The following NREP variants were observed in gnomAD, a reference collection of about 807,000 sequenced individuals.
The protein encoded by NREP is neuronal regeneration-related protein.
In NREP, 5 loss-of-function variants were observed where a neutral mutation model predicts 8.6. That is an observed-to-expected ratio of 0.58 (90% CI 0.30 to 1.22). The LOEUF is 1.22. Among genes scored for constraint, NREP ranks in the 50% most tolerant of loss-of-function variants. The probability of loss-of-function intolerance (pLI) is 0.07; values close to 1 mark genes in which losing one functional copy is unlikely to be tolerated. For synonymous variants in NREP, 27 were observed against 28.0 expected (o/e 0.96, Z 0.11); for missense variants, 86 against 82.5 (o/e 1.04, Z -0.17).
intron 2 of NREP, among the ~76,000 whole-genome samples, chr5:111,953,961 T>G (rs558416308): frequency 2.0e-5 from 3 of 152,142 alleles, no homozygotes; most frequent in Non-Finnish European, 2.9e-5. Flanking sequence ...AGTATCAGCA[T>G]GTTTAACATG....
intron 2 of NREP, among the ~76,000 whole-genome samples, chr5:111,824,674 A>AT (rs1157193512): frequency 6.6e-6 from 1 of 152,226 alleles, no homozygotes; most frequent in African/African-American, 2.4e-5. Context: ...GATGAAGTCT[A>AT]TTACATTCCT....
At chr5:111,745,935 A>G (rs544852023) in intron 2 of NREP, among the ~76,000 whole-genome samples, 1 of 152,314 alleles carries the variant, frequency 6.6e-6, no homozygotes, top group South Asian at 2.1e-4. Context: ...AGATGGGGCA[A>G]CAAACTAATT....
intron 2 of NREP, among the ~76,000 whole-genome samples, chr5:111,926,783 G>A (rs982713793): frequency 5.3e-5 from 8 of 151,782 alleles, no homozygotes; most frequent in Non-Finnish European, 1.2e-4. Context: ...GAAGACAGTG[G>A]GGGCTTCCCC....
At chr5:111,855,396 A>G (rs563527933) in intron 2 of NREP, among the ~76,000 whole-genome samples, 52 of 152,314 alleles carry the variant, frequency 3.4e-4, no homozygotes, top group African/African-American at 1.2e-3. Context: ...TGTTAGCTCT[A>G]ATCACTATTT....
At chr5:111,881,200 A>G (rs955549614) in intron 2 of NREP, among the ~76,000 whole-genome samples, 2 of 152,192 alleles carry the variant, frequency 1.3e-5, no homozygotes, top group African/African-American at 4.8e-5. Flanking sequence ...AGAGGGTCCT[A>G]CACCCACGGA....
intron 2 of NREP, among the ~76,000 whole-genome samples, chr5:111,787,432 G>A (rs1751637698): frequency 6.6e-6 from 1 of 152,122 alleles, no homozygotes; most frequent in African/African-American, 2.4e-5. Flanking sequence ...GAAAACTACA[G>A]TAAATGCATC....
chr5:111,744,078 G>C (rs937108873), intron 2 of NREP, among the ~76,000 whole-genome samples: 1 of 152,104 alleles, frequency 6.6e-6, no homozygotes, highest in Non-Finnish European at 1.5e-5. Flanking sequence ...AGTCTGAAGC[G>C]ATTTCAAAGC....
chr5:111,888,324 T>C (rs182652437), intron 2 of NREP, among the ~76,000 whole-genome samples: 1 of 149,130 alleles, frequency 6.7e-6, no homozygotes, highest in East Asian at 2.0e-4. Flanking sequence ...TGACTCACAG[T>C]TCCCCATTGC....
intron 2 of NREP, among the ~76,000 whole-genome samples, chr5:111,911,447 C>G (rs1021077892): frequency 7.2e-5 from 11 of 152,080 alleles, no homozygotes; most frequent in Admixed American, 6.6e-5. Context: ...TAATTCTGCA[C>G]TGCTATTATC....
intron 2 of NREP, among the ~76,000 whole-genome samples, chr5:111,972,242 T>C (rs1483872093): frequency 6.6e-6 from 1 of 152,136 alleles, no homozygotes; most frequent in African/African-American, 2.4e-5. Context: ...ATAACAAGTA[T>C]GGATGAGAAT....
chr5:111,965,170 A>G (rs1703037681), intron 2 of NREP, among the ~76,000 whole-genome samples: 1 of 152,132 alleles, frequency 6.6e-6, no homozygotes, highest in African/African-American at 2.4e-5. Context: ...AGAAGAAGCC[A>G]TCTCCTCTGA....
chr5:111,895,205 C>T (rs1754479702), intron 2 of NREP, among the ~76,000 whole-genome samples: 1 of 152,190 alleles, frequency 6.6e-6, no homozygotes, highest in Non-Finnish European at 1.5e-5. Context: ...AACCTTGCTA[C>T]ACCCTTTAGA....
chr5:111,801,286 T>G lies in NREP; in HGVS notation c.136-65779A>C, dbSNP rs528564903. Among the ~76,000 whole-genome samples, 133 of 152,300 alleles carry G rather than the reference T, an allele frequency of 8.7e-4. 1 individual carries two copies. The highest frequency in any genetic ancestry group is 3.2e-3 in the African/African-American group (132 of 41,550). ...TTAAGCCTCTAAGTTGTATTTACCCTTACAATGTGATTGAGAATGTGGGGG... is the reference window on the plus strand; with the variant it reads ...TTAAGCCTCTAAGTTGTATTTACCCGTACAATGTGATTGAGAATGTGGGGG... On this transcript the variant is annotated intron_variant, in intron 2 of 3. Transcript: ENST00000395634.
intron 2 of NREP, among the ~76,000 whole-genome samples, chr5:111,953,394 T>C (rs780214190): frequency 4.1e-4 from 63 of 152,148 alleles, no homozygotes; most frequent in Non-Finnish European, 6.0e-4. Context: ...TCTGAGGCTA[T>C]AACTTTTTTT....
intron 2 of NREP, among the ~76,000 whole-genome samples, chr5:111,888,634 C>A (rs1270058671): frequency 1.3e-5 from 2 of 152,086 alleles, no homozygotes; most frequent in African/African-American, 2.4e-5. Flanking sequence ...CAGTCTATGT[C>A]CCACTACTAG....
intron 2 of NREP, among the ~76,000 whole-genome samples, chr5:111,737,218 G>A (rs927451504): frequency 6.6e-6 from 1 of 152,152 alleles, no homozygotes; most frequent in Non-Finnish European, 1.5e-5. Flanking sequence ...AGGAATGGGT[G>A]AAGAAAACAA....
At chr5:111,918,174 A>G (rs1180408875) in intron 2 of NREP, among the ~76,000 whole-genome samples, 1 of 152,186 alleles carries the variant, frequency 6.6e-6, no homozygotes, top group East Asian at 1.9e-4. Context: ...CTCTTCAAGG[A>G]GAACTACAAA....
intron 2 of NREP, among the ~76,000 whole-genome samples, chr5:111,910,753 G>T (rs1754890175): frequency 6.6e-6 from 1 of 151,994 alleles, no homozygotes; most frequent in Non-Finnish European, 1.5e-5. Flanking sequence ...ACCTCCAAAA[G>T]GAAGCCCTGT....
chr5:111,849,538 G>A (rs1243524569), intron 2 of NREP, among the ~76,000 whole-genome samples: 1 of 152,128 alleles, frequency 6.6e-6, no homozygotes, highest in African/African-American at 2.4e-5. Context: ...TTGCAGTATG[G>A]ACAATGAATT....
Sources: allele counts gnomAD v4.1 joint callset (sites outside exome capture counted in the v4.1 genomes callset), GRCh38; gene constraint gnomAD v4.1.1; transcripts MANE v1.5; gene names NCBI Gene and HGNC (gene_info 2026-07-23, HGNC 2026-07-21).